Variants in DCAF10 observed in about 807,000 individuals in gnomAD.
DCAF10 encodes DDB1 and CUL4 associated factor 10.
Under a neutral mutation model 51.9 loss-of-function variants are expected in DCAF10, and 19 were observed. The observed-to-expected ratio is 0.37, with a 90% CI of 0.26 to 0.54. The LOEUF (loss-of-function observed/expected upper bound fraction) is 0.54. DCAF10 is among the 20% of genes least tolerant of loss of function. DCAF10 has a pLI of 0.87. For synonymous variants in DCAF10, 291 were observed against 297.1 expected, an observed-to-expected ratio of 0.98 and a Z score of 0.21; for missense variants, 510 against 730.6, an observed-to-expected ratio of 0.70 and a Z score of 3.48.
intron 1 of DCAF10, among the ~76,000 whole-genome samples, chr9:37,805,448 CA>C (rs1419227251): frequency 6.6e-6 from 1 of 152,154 alleles, no homozygotes; most frequent in Admixed American, 6.5e-5. Flanking sequence ...CACATCACTG[CA>C]CTCCAGCCTG....
rs558338587 is a variant in DCAF10 at position 37,819,120 on chromosome 9, A to C, written c.540-168A>C. ...ATAATGTATGAGAGTACCATTTCCT[A>C]CTACTCTTGCCAACCACAGATAGTA... On this transcript the variant is annotated intron_variant, in intron 1 of 6. Transcript: ENST00000377724. Among the ~76,000 whole-genome samples, 3 of 152,160 alleles carry C rather than the reference A, an allele frequency of 2.0e-5. 1 individual carries two copies. The East Asian group carries it at 5.8e-4, about 29-fold the overall frequency.
intron 2 of DCAF10, among the ~76,000 whole-genome samples, chr9:37,824,014 G>A (rs1188739358): frequency 6.6e-6 from 1 of 151,510 alleles, no homozygotes; most frequent in Admixed American, 6.6e-5. Flanking sequence ...CCGAGTAGCT[G>A]GGATTACAGG....
chr9:37,823,944 G>C (rs1829780761), intron 2 of DCAF10, among the ~76,000 whole-genome samples: 1 of 144,516 alleles, frequency 6.9e-6, no homozygotes, highest in African/African-American at 2.6e-5. Flanking sequence ...GCAGTGGCGT[G>C]ATCTCAGCTC....
At position 37,842,287 on chromosome 9, in the gene DCAF10, G is replaced by C; in HGVS notation, c.851+1G>C. The stretch of plus-strand genomic sequence containing the variant: ...ATGTCATTATTTGGGACACTAACAG[G>C]TTTGTGAATAGGAGACCATGTTAGG... On this transcript the variant is annotated splice_donor_variant, in intron 3 of 6. Coordinates refer to ENST00000377724, the MANE Select transcript of DCAF10 (RefSeq NM_024345.5). LOFTEE classifies it high-confidence loss of function. 6.2e-7 allele frequency: 1 copy of C among 1,610,790 alleles called. No homozygotes were observed. Among genetic ancestry groups the C allele is most frequent in the Non-Finnish European group, 8.5e-7 (1 of 1,178,996 alleles).
chr9:37,854,673 C>A (rs1048417262), intron 3 of DCAF10, 107 bp from the exon 4 acceptor site: 2 of 1,037,644 alleles, frequency 1.9e-6, no homozygotes, highest in East Asian at 2.4e-5. Context: ...TGACCAAGCT[C>A]TTCTCATCCT....
At chr9:37,847,654 C>T (rs1830518661) in intron 3 of DCAF10, among the ~76,000 whole-genome samples, 1 of 152,006 alleles carries the variant, frequency 6.6e-6, no homozygotes, top group African/African-American at 2.4e-5. Context: ...CAACATTGCA[C>T]TGGAGGTGCA....
chr9:37,811,368 G>A (rs1023589168), intron 1 of DCAF10, among the ~76,000 whole-genome samples: 24 of 152,246 alleles, frequency 1.6e-4, no homozygotes, highest in African/African-American at 5.8e-4. Context: ...ATATCATCCA[G>A]TGCTTTAAAT....
rs926808977 is a variant in DCAF10, at chr9:37,865,834, C to A, written c.*4326C>A. The A allele has an allele frequency of 6.6e-6, 1 of 152,128 alleles. No homozygotes were observed. Among genetic ancestry groups the A allele is most frequent in the East Asian group, 1.9e-4 (1 of 5,188 alleles). 9.4% of individuals were successfully genotyped at this position (152,128 alleles called of 1,614,324 possible). A position where few individuals can be genotyped will look rare whatever the true frequency, so the allele number is the denominator to read the frequency against. Reference sequence around the variant, plus strand: ...ATACTAAAAACTTTAAGAAAAGGAACAAGAAAAAGGTAAATTCATGTGTTC... The same window carrying A: ...ATACTAAAAACTTTAAGAAAAGGAAAAAGAAAAAGGTAAATTCATGTGTTC... On this transcript the variant is annotated 3_prime_UTR_variant, in exon 7 of 7. Coordinates refer to ENST00000377724, the MANE Select transcript of DCAF10 (RefSeq NM_024345.5).
At chr9:37,843,262 C>T (rs1038581723) in intron 3 of DCAF10, among the ~76,000 whole-genome samples, 2 of 152,150 alleles carry the variant, frequency 1.3e-5, no homozygotes, top group African/African-American at 2.4e-5. Flanking sequence ...AGTGATCCTC[C>T]TGCCTTAGCT....
chr9:37,819,280 G>A lies in DCAF10; in HGVS notation c.540-8G>A. ...ACTAAACAAGATAAATGTGTCATTT[G>A]CTTTCAGGTCAGTGCTGACAGTTGC... On this transcript the variant is annotated splice_polypyrimidine_tract_variant and splice_region_variant and intron_variant, in intron 1 of 6. Transcript: ENST00000377724. The A allele has an allele frequency of 6.2e-7, 1 of 1,606,786 alleles. No homozygotes were observed. Among genetic ancestry groups the A allele is most frequent in the Non-Finnish European group, 8.5e-7 (1 of 1,175,048 alleles).
intron 2 of DCAF10, among the ~76,000 whole-genome samples, chr9:37,834,833 G>A (rs566296409): frequency 9.4e-5 from 14 of 149,156 alleles, no homozygotes; most frequent in Non-Finnish European, 1.9e-4. Context: ...ATGTCGCCCA[G>A]GCTGGAGTGC....
intron 4 of DCAF10, 115 bp downstream of exon 4, chr9:37,855,097 G>C (rs1456647428): frequency 1.0e-6 from 1 of 971,110 alleles, no homozygotes; most frequent in Non-Finnish European, 1.5e-6. Context: ...TTTTTTAAAA[G>C]GCATTCTTTA....
intron 2 of DCAF10, among the ~76,000 whole-genome samples, chr9:37,824,826 T>C (rs1829806612): frequency 1.3e-5 from 2 of 151,740 alleles, no homozygotes; most frequent in Middle Eastern, 3.2e-3. Context: ...AGGGCTTTAA[T>C]AAAGATAAAA....
In DCAF10 at chr9:37,801,241, G is replaced by T. The variant is rs762896759; in HGVS notation, c.375G>T (p.Gly125=). 1.3e-6 allele frequency: 2 copies of T among 1,582,380 alleles called. No homozygotes were observed. The highest frequency in any genetic ancestry group is 3.5e-5 in the Admixed American group (2 of 57,006). Reference sequence around the variant, plus strand: ...GCGGCCCTGGCGCTAGGCTGTTCGGGTGGCTGAAAGAGCGCAGCCTGGGCC... The same window carrying T: ...GCGGCCCTGGCGCTAGGCTGTTCGGTTGGCTGAAAGAGCGCAGCCTGGGCC... The part of the protein sequence containing the change: ...GLGGPGARLF[G]WLKERSLGRG... The change falls in exon 1 of 7, where the codon GGG becomes GGT. Residue 125 remains glycine, a synonymous_variant. Transcript: ENST00000377724. This position sits in a 1 kb window ranked among gnomAD's most constrained non-coding sequence, Gnocchi z 5.5.
intron 1 of DCAF10, among the ~76,000 whole-genome samples, chr9:37,803,842 CAG>C (rs939793147): frequency 1.9e-4 from 28 of 150,820 alleles, no homozygotes; most frequent in African/African-American, 6.6e-4. Flanking sequence ...GGGGGTGACA[CAG>C]AATGTAAAAA....
intron 2 of DCAF10, among the ~76,000 whole-genome samples, chr9:37,830,145 A>T (rs1829966457): frequency 6.6e-6 from 1 of 152,248 alleles, no homozygotes; most frequent in South Asian, 2.1e-4. Flanking sequence ...TAGATAAATA[A>T]ATTCTGGTGT....
At chr9:37,815,031 AAATT>A (rs1318401892) in intron 1 of DCAF10, among the ~76,000 whole-genome samples, 3 of 152,240 alleles carry the variant, frequency 2.0e-5, no homozygotes, top group African/African-American at 7.2e-5. Context: ...ATTAGAAAGT[AAATT>A]AATGTAAATA....
rs142967704 is a variant in DCAF10 at position 37,836,909 on chromosome 9, C to T, written c.654-5180C>T. 1.4e-3 allele frequency among the ~76,000 whole-genome samples: 214 copies of T among 152,102 alleles called. 1 individual carries two copies. The highest frequency in any genetic ancestry group is 4.6e-3 in the African/African-American group (193 of 41,508). ...ACCAACCAATTTTATCTCATTTAAG[C>T]GTTACATTTTGAAGACTGTGAATAT... On this transcript the variant is annotated intron_variant, in intron 2 of 6. Coordinates refer to ENST00000377724, the MANE Select transcript of DCAF10 (RefSeq NM_024345.5).
intron 3 of DCAF10, among the ~76,000 whole-genome samples, chr9:37,849,342 A>C (rs146974002): frequency 4.2e-4 from 64 of 152,340 alleles, no homozygotes; most frequent in African/African-American, 1.4e-3. Flanking sequence ...CTATTTCTGT[A>C]AAGGACCAGG....
Sources: allele counts gnomAD v4.1 joint callset (sites outside exome capture counted in the v4.1 genomes callset), GRCh38; gene constraint gnomAD v4.1.1; non-coding constraint Gnocchi (gnomAD v3.1); transcripts MANE v1.5; gene names NCBI Gene and HGNC (gene_info 2026-07-23, HGNC 2026-07-21).